POFUT1: variants seen among roughly 807,000 people sequenced by gnomAD.
POFUT1 encodes protein O-fucosyltransferase 1.
POFUT1 carries 16 observed loss-of-function variants against 42.4 expected under a neutral mutation model. The observed-to-expected ratio is 0.38, with a 90% confidence interval of 0.26 to 0.57. The LOEUF is 0.57. Among genes scored for constraint, POFUT1 ranks in the 20% least tolerant of loss-of-function variants. POFUT1 has a pLI of 0.71. For synonymous variants in POFUT1, 206 were observed against 205.4 expected (o/e 1.00, Z -0.03); for missense variants, 470 against 504.6 (o/e 0.93, Z 0.66).
chr20:32,230,428 C>T (rs2047436586), intron 5 of POFUT1, among the ~76,000 whole-genome samples: 2 of 149,454 alleles, frequency 1.3e-5, no homozygotes, highest in Non-Finnish European at 3.0e-5. Context: ...GGCACGGCTG[C>T]TCATGCCTGT....
At chr20:32,213,316 C>T (rs1600384789) in intron 2 of POFUT1, among the ~76,000 whole-genome samples, 2 of 150,370 alleles carry the variant, frequency 1.3e-5, no homozygotes, top group African/African-American at 2.4e-5. Context: ...GTTAGCTGGG[C>T]GTCGTGGCGC....
In POFUT1 at chr20:32,210,057, T is replaced by C. The variant is rs748521046; in HGVS notation, c.125-14T>C. The stretch of plus-strand genomic sequence containing the variant: ...GCCCCAGGCCTCACCTCACCCGCAA[T>C]GTACCATTTCCAGGGCGCTTTGGGA... On this transcript the variant is annotated splice_polypyrimidine_tract_variant and intron_variant, in intron 1 of 6. Transcript: ENST00000375749. 3.7e-6 allele frequency: 6 copies of C among 1,614,164 alleles called. No homozygotes were observed. In the African/African-American group the frequency reaches 4.0e-5, roughly 11 times the overall value.
At chr20:32,225,653 A>G (rs189356919) in intron 4 of POFUT1, among the ~76,000 whole-genome samples, 6 of 152,050 alleles carry the variant, frequency 3.9e-5, no homozygotes, top group African/African-American at 1.4e-4. Context: ...ACACTTGGCT[A>G]ATTTTTTGAT....
intron 2 of POFUT1, among the ~76,000 whole-genome samples, chr20:32,213,988 T>A (rs1000355981): frequency 6.6e-6 from 1 of 152,188 alleles, no homozygotes; most frequent in African/African-American, 2.4e-5. Flanking sequence ...ATAGTGTATT[T>A]GGTGTGACTC....
At chr20:32,229,979 C>T (rs6119784) in intron 5 of POFUT1, among the ~76,000 whole-genome samples, 30,509 of 152,050 alleles carry the variant, frequency 0.2, 3,481 homozygotes, top group African/African-American at 0.29. Flanking sequence ...GGTTTTGCCA[C>T]GTTGCCCAGA....
chr20:32,215,520 T>C (rs1256611770), intron 3 of POFUT1, 69 bp downstream of exon 3: 49 of 1,285,948 alleles, frequency 3.8e-5, no homozygotes, highest in Non-Finnish European at 4.6e-5. Context: ...GACTATGTCA[T>C]GGCAAAATGT....
chr20:32,223,535 A>G lies in POFUT1; in HGVS notation c.543-4728A>G, dbSNP rs1054321914. The stretch of plus-strand genomic sequence containing the variant: ...GGCCGCAGATCCTGGTTTTATCCTG[A>G]TATTCCAGCCCCACTGGGAGATCTA... On this transcript the variant is annotated intron_variant, in intron 4 of 6. Transcript: ENST00000375749. 1.5e-5 allele frequency: 15 copies of G among 985,034 alleles called. No homozygotes were observed. In the East Asian group the frequency reaches 3.4e-4, roughly 22 times the overall value. 61.0% of individuals were successfully genotyped at this position (985,034 alleles called of 1,614,324 possible).
chr20:32,233,343 C>T (rs2047452455), intron 6 of POFUT1, among the ~76,000 whole-genome samples: 1 of 152,098 alleles, frequency 6.6e-6, no homozygotes, highest in South Asian at 2.1e-4. Flanking sequence ...TAGGAGCTAA[C>T]CAGGTAAAGG....
chr20:32,232,727 GTT>G (rs1303150779), intron 6 of POFUT1, among the ~76,000 whole-genome samples: 4 of 152,084 alleles, frequency 2.6e-5, no homozygotes, highest in Admixed American at 2.6e-4. Flanking sequence ...GTCCCAGGGA[GTT>G]TTTTTGTGAG....
At chr20:32,215,245 C>A (rs1462264163) in intron 2 of POFUT1, 24 bp from the exon 3 acceptor site, 16 of 1,591,600 alleles carry the variant, frequency 1.0e-5, no homozygotes, top group Non-Finnish European at 1.4e-5. Flanking sequence ...TGAGACGGGA[C>A]CTCTGCTCCT....
rs1029206752 is a variant in POFUT1 at position 32,227,076 on chromosome 20, T to TC, written c.543-1181dup. 5.3e-5 allele frequency among the ~76,000 whole-genome samples: 8 copies of TC among 152,198 alleles called. No individual in the cohort carries two copies. In the South Asian group the frequency reaches 1.5e-3, roughly 28 times the overall value. ...AGGATTTTGGCTGGCAGAAGGCACTTCCCCCCTCCAGCTGGAGGGAAGAAG... is the reference window on the plus strand; with the variant it reads ...AGGATTTTGGCTGGCAGAAGGCACTTCCCCCCCTCCAGCTGGAGGGAAGAAG... On this transcript the variant is annotated intron_variant, in intron 4 of 6. Coordinates refer to ENST00000375749, the MANE Select transcript of POFUT1 (RefSeq NM_015352.2).
chr20:32,233,453 C>T (rs539949607), intron 6 of POFUT1, among the ~76,000 whole-genome samples: 11 of 152,236 alleles, frequency 7.2e-5, no homozygotes, highest in South Asian at 2.1e-4. Flanking sequence ...AGAGGCCCAG[C>T]GAGGACCTTG....
chr20:32,216,479 T>C, intron 3 of POFUT1, 130 bp from the exon 4 acceptor site: 1 of 644,712 alleles, frequency 1.6e-6, no homozygotes, highest in Non-Finnish European at 2.8e-6. Context: ...ACATTTCTCC[T>C]AGGCCATCCT....
Position 32,208,025 on chromosome 20 carries a change from C to T in POFUT1, c.84C>T (p.Ser28=). Residue 28 remains serine, a synonymous_variant, in exon 1 of 7, where the codon TCC becomes TCT. Transcript: ENST00000375749. ...CGCTCCCGGGGATGCCTGCGGGCTCCTGGGACCCGGCCGGTTACCTGCTCT... is the reference window on the plus strand; with the variant it reads ...CGCTCCCGGGGATGCCTGCGGGCTCTTGGGACCCGGCCGGTTACCTGCTCT... ...LLPLPGMPAG[S]WDPAGYLLYC... The T allele has an allele frequency of 6.3e-7, 1 of 1,576,050 alleles. No homozygotes were observed. Among genetic ancestry groups the T allele is most frequent in the South Asian group, 1.1e-5 (1 of 87,068 alleles).
chr20:32,222,834 G>A (rs1208289699), intron 4 of POFUT1: 3 of 985,252 alleles, frequency 3.0e-6, no homozygotes, highest in Admixed American at 6.1e-5. Flanking sequence ...CCATTCTCAG[G>A]TATAATGGTC....
intron 2 of POFUT1, 93 bp from the exon 3 acceptor site, chr20:32,215,176 A>G: frequency 3.1e-6 from 3 of 973,960 alleles, no homozygotes; most frequent in Non-Finnish European, 4.7e-6. Flanking sequence ...GGCGTGAGCC[A>G]CTGCACCTGG....
intron 2 of POFUT1, among the ~76,000 whole-genome samples, chr20:32,211,543 T>G (rs1165639772): frequency 6.6e-6 from 1 of 152,180 alleles, no homozygotes; most frequent in East Asian, 1.9e-4. Context: ...GTGCTGGGAT[T>G]ATAGGCATAA....
intron 3 of POFUT1, 54 bp downstream of exon 3, chr20:32,215,505 C>A: frequency 1.4e-6 from 2 of 1,454,616 alleles, no homozygotes; most frequent in Non-Finnish European, 1.9e-6. Context: ...CCTCTAGGCC[C>A]CCAAGACTAT....
chr20:32,215,488 T>C (rs1474271055), intron 3 of POFUT1, 37 bp downstream of exon 3: 1 of 1,560,656 alleles, frequency 6.4e-7, no homozygotes, highest in East Asian at 2.3e-5. Context: ...TTCTTCCTGT[T>C]CCATGTCCTC....
Sources: gnomAD v4.1 joint callset for allele counts (sites outside exome capture counted in the v4.1 genomes callset) on GRCh38, gnomAD v4.1.1 for gene constraint, MANE v1.5 for transcripts, NCBI Gene and HGNC (gene_info 2026-07-23, HGNC 2026-07-21) for gene names.